The following SORCS1 variants were observed in gnomAD, a reference collection of about 807,000 sequenced individuals.
SORCS1 encodes the protein sortilin related VPS10 domain containing receptor 1, also known as VPS10 domain-containing receptor SorCS1.
SORCS1 carries 60 observed loss-of-function variants against 146.1 expected under a neutral mutation model. That is an observed-to-expected ratio of 0.41 (90% CI 0.33 to 0.51). SORCS1 has a LOEUF of 0.51. Among genes scored for constraint, SORCS1 ranks in the 20% least tolerant of loss-of-function variants. The probability of loss-of-function intolerance (pLI) is 0.21; values close to 1 mark genes in which losing one functional copy is unlikely to be tolerated. For synonymous variants in SORCS1, 637 were observed against 584.0 expected (o/e 1.09, Z -1.31); for missense variants, 1,352 against 1,487.6 (o/e 0.91, Z 1.50).
At chr10:107,168,464 A>G (rs1046517718), upstream of SORCS1, among the ~76,000 whole-genome samples, 1 of 152,166 alleles carries the variant, frequency 6.6e-6, no homozygotes, top group Non-Finnish European at 1.5e-5. Flanking sequence ...TTATTTCAAC[A>G]TTTATTTTCA....
chr10:106,831,079 G>A (rs1948523799), intron 2 of SORCS1, among the ~76,000 whole-genome samples: 1 of 151,958 alleles, frequency 6.6e-6, no homozygotes, highest in Non-Finnish European at 1.5e-5. Context: ...TATAATCCCA[G>A]CTACTCGGGA....
chr10:106,590,308 T>C (rs947380038), intron 24 of SORCS1, among the ~76,000 whole-genome samples: 8 of 152,226 alleles, frequency 5.3e-5, no homozygotes, highest in South Asian at 2.1e-4. Flanking sequence ...TAAAGTTTCA[T>C]GCAACTAGTA....
At chr10:107,070,465 A>C (rs1467424041) in intron 1 of SORCS1, among the ~76,000 whole-genome samples, 1 of 152,210 alleles carries the variant, frequency 6.6e-6, no homozygotes, top group Non-Finnish European at 1.5e-5. Flanking sequence ...GTTAATGAAA[A>C]ATAACAGAAC....
chr10:107,044,512 T>TGAA (rs1959210831), intron 1 of SORCS1, among the ~76,000 whole-genome samples: 1 of 74,060 alleles, frequency 1.4e-5, no homozygotes, highest in African/African-American at 5.5e-5. Context: ...TTCTAATTTG[T>TGAA]AAAAAAAAAA....
At chr10:106,617,865 G>A (rs1218758074) in intron 21 of SORCS1, among the ~76,000 whole-genome samples, 3 of 152,140 alleles carry the variant, frequency 2.0e-5, no homozygotes, top group Non-Finnish European at 4.4e-5. Context: ...CAATCTAAGT[G>A]AAATGAGTTA....
chr10:106,632,285 T>G (rs1236407990), intron 18 of SORCS1, among the ~76,000 whole-genome samples: 1 of 152,162 alleles, frequency 6.6e-6, no homozygotes, highest in Non-Finnish European at 1.5e-5. Flanking sequence ...GGCAGCTGAT[T>G]ATATTCCTGC....
intron 2 of SORCS1, among the ~76,000 whole-genome samples, chr10:106,894,734 C>T (rs1190773495): frequency 6.6e-6 from 1 of 152,170 alleles, no homozygotes; most frequent in African/African-American, 2.4e-5. Flanking sequence ...AACAGGCTTT[C>T]TAAGCTGGTA....
chr10:106,713,210 T>G (rs1483504052), intron 6 of SORCS1, among the ~76,000 whole-genome samples: 1 of 152,206 alleles, frequency 6.6e-6, no homozygotes, highest in African/African-American at 2.4e-5. Context: ...ATGACATCAT[T>G]GAGCTGTTGA....
chr10:106,700,769 G>C (rs1198690407), intron 8 of SORCS1, among the ~76,000 whole-genome samples: 1 of 152,174 alleles, frequency 6.6e-6, no homozygotes, highest in South Asian at 2.1e-4. Context: ...CGTGATCCCA[G>C]AGGGAGAAGT....
intron 3 of SORCS1, among the ~76,000 whole-genome samples, chr10:106,799,209 C>A (rs1297035167): frequency 6.6e-6 from 1 of 152,176 alleles, no homozygotes; most frequent in Non-Finnish European, 1.5e-5. Flanking sequence ...CCCTTCCTTA[C>A]ACCTTATACA....
chr10:106,777,131 A>G (rs910895068), intron 3 of SORCS1, among the ~76,000 whole-genome samples: 2 of 152,056 alleles, frequency 1.3e-5, no homozygotes, highest in Non-Finnish European at 2.9e-5. Context: ...TTTCTTCCCT[A>G]CCTCGAATCT....
At position 106,577,340 on chromosome 10, in the gene SORCS1, G is replaced by A. The variant is rs1413055930; in HGVS notation, c.*80C>T. ...GAAAGAAAAAAAACACAAAGTTAGT[G>A]GTCATGAAGGATGATGTACTTGACA... On this transcript the variant is annotated 3_prime_UTR_variant, in exon 26 of 26. Coordinates refer to ENST00000263054, the MANE Select transcript of SORCS1 (RefSeq NM_052918.5). The A allele has an allele frequency of 2.5e-6, 4 of 1,611,302 alleles. No individual in the cohort carries two copies. In the East Asian group the frequency reaches 8.9e-5, roughly 36 times the overall value.
At chr10:106,835,814 T>G (rs1020595604) in intron 2 of SORCS1, among the ~76,000 whole-genome samples, 1 of 151,906 alleles carries the variant, frequency 6.6e-6, no homozygotes, top group African/African-American at 2.4e-5. Flanking sequence ...GAGACCAACC[T>G]GACCAACATA....
chr10:106,776,391 T>C, intron 4 of SORCS1, 143 bp downstream of exon 4: 1 of 996,486 alleles, frequency 1.0e-6, no homozygotes, highest in Non-Finnish European at 1.5e-6. Flanking sequence ...TCTCCTTGCT[T>C]TCCCTTGTCC....
At chr10:106,783,279 C>T (rs1295250701) in intron 3 of SORCS1, among the ~76,000 whole-genome samples, 1 of 152,160 alleles carries the variant, frequency 6.6e-6, no homozygotes, top group East Asian at 1.9e-4. Context: ...ATCATTATGT[C>T]CATTTGATAT....
chr10:106,984,117 G>A (rs1229957208), intron 1 of SORCS1, among the ~76,000 whole-genome samples: 2 of 152,154 alleles, frequency 1.3e-5, no homozygotes, highest in African/African-American at 4.8e-5. Context: ...TATTTTAAAA[G>A]GCTGACATAT....
intron 3 of SORCS1, among the ~76,000 whole-genome samples, chr10:106,817,606 A>C (rs1947805334): frequency 6.6e-6 from 1 of 152,240 alleles, no homozygotes; most frequent in Admixed American, 6.5e-5. Flanking sequence ...TATCAAAGGA[A>C]CATTTTATGA....
intron 1 of SORCS1, among the ~76,000 whole-genome samples, chr10:107,069,141 A>G (rs1032387853): frequency 6.6e-6 from 1 of 152,178 alleles, no homozygotes; most frequent in African/African-American, 2.4e-5. Flanking sequence ...TATTGATTGA[A>G]TAAGCACGTC....
chr10:106,679,876 T>G, intron 10 of SORCS1, 142 bp from the exon 11 acceptor site: 3 of 615,584 alleles, frequency 4.9e-6, no homozygotes, highest in Admixed American at 2.6e-5. Context: ...ATTGTATCTA[T>G]ACCTACCCAA....
Sources: gnomAD v4.1 joint callset for allele counts (sites outside exome capture counted in the v4.1 genomes callset) on GRCh38, gnomAD v4.1.1 for gene constraint, MANE v1.5 for transcripts, NCBI Gene and HGNC (gene_info 2026-07-23, HGNC 2026-07-21) for gene names.